Variants in E2F7 observed in about 807,000 individuals in gnomAD.
E2F7 encodes transcription factor E2F7.
E2F7 carries 35 observed loss-of-function variants against 81.1 expected under a neutral mutation model. That is an observed-to-expected ratio of 0.43 (90% CI 0.33 to 0.57). The LOEUF (loss-of-function observed/expected upper bound fraction) is 0.57. Ranked by LOEUF, E2F7 falls within the 20% of genes least tolerant of loss-of-function variation. The pLI is 0.04. For synonymous variants in E2F7, 416 were observed against 416.2 expected (o/e 1.00, Z 0.01); for missense variants, 961 against 1,093.7 (o/e 0.88, Z 1.71).
In E2F7 at chr12:77,025,669, ACT is replaced by A; in HGVS notation, c.2452_2453del (p.Gln819AlafsTer20). 1.2e-6 allele frequency: 2 copies of A among 1,614,130 alleles called. No individual in the cohort carries two copies. The highest frequency in any genetic ancestry group is 8.5e-7 in the Non-Finnish European group (1 of 1,180,032). ...TLPSADPQLQ[S>X]QPSLNLSPVM... ...CTGGACTTAGGTTTAGTGAGGGCTG[ACT>A]CTGAAGCTGAGGGTCTGCAGAAGGG... On this transcript the variant is annotated frameshift_variant, in exon 12 of 13. Transcript: ENST00000322886. LOFTEE classifies it high-confidence loss of function.
At chr12:77,034,785 G>C (rs1430700968) in intron 7 of E2F7, among the ~76,000 whole-genome samples, 1 of 152,180 alleles carries the variant, frequency 6.6e-6, no homozygotes, top group Non-Finnish European at 1.5e-5. Flanking sequence ...ATTTTAGTTA[G>C]AGGATTGATT....
At chr12:77,047,585 T>C (rs11116798) in intron 4 of E2F7, among the ~76,000 whole-genome samples, 51,175 of 152,122 alleles carry the variant, frequency 0.34, 8,861 homozygotes, top group African/African-American at 0.42. Context: ...CCAGGAGCTG[T>C]TATATAATCA....
Position 77,030,354 on chromosome 12 carries a change from A to G in E2F7, c.1383-22T>C, listed in dbSNP as rs1336978242. The G allele has an allele frequency of 3.9e-6, 6 of 1,519,092 alleles. No homozygotes were observed. The African/African-American group carries it at 8.4e-5, about 21-fold the overall frequency. The allele number at this position is 1,519,092 out of a possible 1,614,324, so 94.1% of individuals were successfully genotyped here. ...TCCCCTATAATAAAAAAGAAACGTA[A>G]CGAAGTTAGCACATTCTACCAACTC... On this transcript the variant is annotated intron_variant, in intron 9 of 12. Coordinates refer to ENST00000322886, the MANE Select transcript of E2F7 (RefSeq NM_203394.3).
At chr12:77,036,846 A>G (rs535847501) in intron 7 of E2F7, among the ~76,000 whole-genome samples, 1 of 150,798 alleles carries the variant, frequency 6.6e-6, no homozygotes, top group African/African-American at 2.4e-5. Flanking sequence ...GGTTCATGCC[A>G]TTCTCCTGCC....
At chr12:77,028,434 C>T (rs531508779) in intron 10 of E2F7, among the ~76,000 whole-genome samples, 23 of 151,798 alleles carry the variant, frequency 1.5e-4, no homozygotes, top group African/African-American at 4.1e-4. Context: ...TCAGGTGATC[C>T]GCCCGTCTCA....
At chr12:77,053,352 T>C (rs1420623456) in intron 3 of E2F7, among the ~76,000 whole-genome samples, 1 of 152,202 alleles carries the variant, frequency 6.6e-6, no homozygotes, top group Admixed American at 6.5e-5. Flanking sequence ...CTCTTTAGTT[T>C]CTGGATTAAT....
intron 2 of E2F7, among the ~76,000 whole-genome samples, chr12:77,063,081 C>A (rs1186693794): frequency 6.6e-6 from 1 of 152,144 alleles, no homozygotes; most frequent in African/African-American, 2.4e-5. Flanking sequence ...ATGTGACTCA[C>A]CCCTTTGTCC....
intron 5 of E2F7, 51 bp downstream of exon 5, chr12:77,045,987 C>A (rs908761378): frequency 1.3e-6 from 2 of 1,577,014 alleles, no homozygotes; most frequent in East Asian, 4.5e-5. Flanking sequence ...GCAGAAGAGA[C>A]CATCACTTGC....
Position 77,022,075 on chromosome 12 carries a change from A to G in E2F7, c.*1940T>C, listed in dbSNP as rs989134252. Reference sequence around the variant, plus strand: ...AGCAAAAATGTTAAAACAAGTATAGAGCATTCAGGAACAGTGAGGGGAAAA... The same window carrying G: ...AGCAAAAATGTTAAAACAAGTATAGGGCATTCAGGAACAGTGAGGGGAAAA... On this transcript the variant is annotated 3_prime_UTR_variant, in exon 13 of 13. Transcript: ENST00000322886. The G allele has an allele frequency of 6.6e-6, 1 of 152,210 alleles. No homozygotes were observed. Among genetic ancestry groups the G allele is most frequent in the East Asian group, 1.9e-4 (1 of 5,200 alleles). The allele number at this position is 152,210 out of a possible 1,614,324, so 9.4% of individuals were successfully genotyped here.
rs1046296282 is a variant in E2F7, at chr12:77,027,933, C to A, written c.2090G>T (p.Ser697Ile). 2 of 1,614,052 alleles carry A rather than the reference C, an allele frequency of 1.2e-6. No individual in the cohort carries two copies. Among genetic ancestry groups the A allele is most frequent in the Non-Finnish European group, 1.7e-6 (2 of 1,180,044 alleles). ...TTGTAGCAAAGAAGGCTCTTTGGTGCTTTCATTTTCTTTTGAAGGCTTTTC... is the reference window on the plus strand; with the variant it reads ...TTGTAGCAAAGAAGGCTCTTTGGTGATTTCATTTTCTTTTGAAGGCTTTTC... ...DVEKPSKENE[S>I]TKEPSLLQYL... is the part of the protein sequence containing the mutation. The change falls in exon 11 of 13, where the codon AGC becomes ATC. Residue 697 changes from serine to isoleucine, a missense_variant. Ser to Ile is a moderately radical substitution (Grantham distance 142). Around this residue, in one of 3 missense-constraint regions of E2F7, gnomAD observed 587 missense variants for 620.3 expected, o/e 0.95. Coordinates refer to ENST00000322886, the MANE Select transcript of E2F7 (RefSeq NM_203394.3).
chr12:77,028,198 C>CT (rs375510532), intron 10 of E2F7, 60 bp from the exon 11 acceptor site: 79,617 of 910,012 alleles, frequency 0.087, 1 homozygote, highest in Non-Finnish European at 0.095. Flanking sequence ...GTAAATCTCT[C>CT]TTTTTTTTTT....
chr12:77,038,381 T>C (rs558747745), intron 7 of E2F7, among the ~76,000 whole-genome samples: 1 of 152,258 alleles, frequency 6.6e-6, no homozygotes, highest in East Asian at 1.9e-4. Context: ...CAAGTCTCAA[T>C]AAATTTAAAA....
At chr12:77,031,428 G>A (rs1592555421) in intron 9 of E2F7, among the ~76,000 whole-genome samples, 1 of 139,402 alleles carries the variant, frequency 7.2e-6, no homozygotes, top group Non-Finnish European at 1.6e-5. Flanking sequence ...ATAACCTGAA[G>A]TCAGGAGTTC....
At chr12:77,051,480 C>A (rs1169359012) in intron 3 of E2F7, among the ~76,000 whole-genome samples, 3 of 151,978 alleles carry the variant, frequency 2.0e-5, no homozygotes, top group East Asian at 3.9e-4. Flanking sequence ...CATACCGGGG[C>A]CTGTCGTGGG....
At chr12:77,054,996 T>C (rs1369895533) in intron 3 of E2F7, among the ~76,000 whole-genome samples, 4 of 151,960 alleles carry the variant, frequency 2.6e-5, no homozygotes, top group African/African-American at 7.3e-5. Flanking sequence ...ACATCAAACA[T>C]AAGACGGAAA....
At chr12:77,057,545 G>T (rs117281536) in intron 2 of E2F7, among the ~76,000 whole-genome samples, 11 of 152,148 alleles carry the variant, frequency 7.2e-5, no homozygotes, top group Non-Finnish European at 1.5e-4. Context: ...CTCAAGTTCC[G>T]TTCTTAATTT....
intron 9 of E2F7, among the ~76,000 whole-genome samples, chr12:77,031,947 C>CT (rs1349021372): frequency 1.3e-5 from 2 of 152,162 alleles, no homozygotes; most frequent in Non-Finnish European, 2.9e-5. Context: ...AGCCATCCAC[C>CT]TTCAACTTCT....
rs767647792 is a variant in E2F7, at chr12:77,027,918, G to T, written c.2105C>A (p.Ser702Tyr). The T allele has an allele frequency of 2.5e-6, 4 of 1,614,100 alleles. No homozygotes were observed. The highest frequency in any genetic ancestry group is 2.7e-5 in the African/African-American group (2 of 74,950). ...CTGCACACAAAGATATTGTAGCAAA[G>T]AAGGCTCTTTGGTGCTTTCATTTTC... ...SKENESTKEPSLLQYLCVQSP... is the reference protein window; with the variant it reads ...SKENESTKEPYLLQYLCVQSP... The change falls in exon 11 of 13, where the codon TCT (serine) becomes TAT (tyrosine). Residue 702 changes from serine (S) to tyrosine (Y), a missense_variant. Around this residue, in one of 3 missense-constraint regions of E2F7, gnomAD observed 587 missense variants for 620.3 expected, o/e 0.95. Coordinates refer to ENST00000322886, the MANE Select transcript of E2F7 (RefSeq NM_203394.3).
intron 7 of E2F7, among the ~76,000 whole-genome samples, 192 bp from the exon 8 acceptor site, chr12:77,034,234 TAA>T (rs894450127): frequency 1.3e-5 from 2 of 152,142 alleles, no homozygotes; most frequent in African/African-American, 4.8e-5. Context: ...CTTTTTTTTT[TAA>T]GTTAGTGGAT....
Sources: allele counts gnomAD v4.1 joint callset (sites outside exome capture counted in the v4.1 genomes callset), GRCh38; gene constraint gnomAD v4.1.1; regional missense constraint gnomAD v4.1.1; transcripts MANE v1.5; gene names NCBI Gene and HGNC (gene_info 2026-07-23, HGNC 2026-07-21).